The following COL23A1 variants were observed in gnomAD, a reference collection of about 807,000 sequenced individuals.
The protein encoded by COL23A1 is collagen type XXIII alpha 1 chain, also known as collagen alpha-1(XXIII) chain.
Under a neutral mutation model 99.3 loss-of-function variants are expected in COL23A1, and 97 were observed. That is an observed-to-expected ratio of 0.98 (90% CI 0.83 to 1.16). The LOEUF is 1.16. Ranked by LOEUF, COL23A1 falls within the 50% of genes most tolerant of loss-of-function variation. The pLI is 0.00. For synonymous variants in COL23A1, 320 were observed against 308.2 expected, an observed-to-expected ratio of 1.04 and a Z score of -0.40; for missense variants, 762 against 757.4, an observed-to-expected ratio of 1.01 and a Z score of -0.07.
chr5:178,246,199 G>A (rs1764684129), intron 24 of COL23A1, 55 bp downstream of exon 24: 11 of 1,534,676 alleles, frequency 7.2e-6, no homozygotes, highest in Non-Finnish European at 9.7e-6. Flanking sequence ...CGGGCTGAGC[G>A]CCACCATGAC....
At chr5:178,421,265 C>A (rs1308022991) in intron 2 of COL23A1, among the ~76,000 whole-genome samples, 1 of 152,126 alleles carries the variant, frequency 6.6e-6, no homozygotes, top group African/African-American at 2.4e-5. Context: ...AGGAGAAGAG[C>A]AACACGTAAC....
chr5:178,558,372 G>A (rs1314980219), intron 2 of COL23A1, among the ~76,000 whole-genome samples: 2 of 152,010 alleles, frequency 1.3e-5, no homozygotes, highest in Admixed American at 1.3e-4. Context: ...TGATTGATCC[G>A]GGAGCTCCAT....
chr5:178,303,147 G>A lies in COL23A1; in HGVS notation c.406+3728C>T, dbSNP rs112039913. 3.2e-3 allele frequency among the ~76,000 whole-genome samples: 490 copies of A among 152,288 alleles called. 2 individuals carry two copies. The highest frequency in any genetic ancestry group is 6.0e-3 in the Non-Finnish European group (406 of 68,028). ...TCTGAGTAGCTGGGACTACAGGTAT[G>A]CACCACCATGCCTGGCTAATTTTTG... On this transcript the variant is annotated intron_variant, in intron 3 of 28. Coordinates refer to ENST00000390654, the MANE Select transcript of COL23A1 (RefSeq NM_173465.4).
chr5:178,359,299 G>A (rs1295437478), intron 2 of COL23A1, among the ~76,000 whole-genome samples: 4 of 152,196 alleles, frequency 2.6e-5, no homozygotes, highest in Non-Finnish European at 4.4e-5. Context: ...CGAGGCAGGT[G>A]GATCACTTGA....
intron 2 of COL23A1, among the ~76,000 whole-genome samples, chr5:178,517,662 A>G (rs1200027744): frequency 6.7e-6 from 1 of 148,968 alleles, no homozygotes; most frequent in East Asian, 2.0e-4. Context: ...CCCTGGTTCA[A>G]GCGATCCTTC....
intron 20 of COL23A1, 103 bp from the exon 21 acceptor site, chr5:178,247,934 C>T: frequency 9.4e-7 from 1 of 1,064,072 alleles, no homozygotes; most frequent in Non-Finnish European, 1.4e-6. Context: ...TCCTTCCTGC[C>T]CCCCAGAGGG....
At position 178,468,428 on chromosome 5, in the gene COL23A1, A is replaced by G. The variant is rs1045256626; in HGVS notation, c.361+92254T>C. On this transcript the variant is annotated intron_variant, in intron 2 of 28. Transcript: ENST00000390654. This position sits in a 1 kb window ranked among gnomAD's most constrained non-coding sequence, Gnocchi z 4.2. ...CAGTGTGATGATGGTGAATGCAAGAATATCAACAACCACGGCTCCGTCTCC... is the reference window on the plus strand; with the variant it reads ...CAGTGTGATGATGGTGAATGCAAGAGTATCAACAACCACGGCTCCGTCTCC... 5.9e-5 allele frequency among the ~76,000 whole-genome samples: 9 copies of G among 152,170 alleles called. No homozygotes were observed. Among genetic ancestry groups the G allele is most frequent in the African/African-American group, 2.2e-4 (9 of 41,438 alleles).
chr5:178,359,145 T>C (rs915782756), intron 2 of COL23A1, among the ~76,000 whole-genome samples: 6 of 152,228 alleles, frequency 3.9e-5, no homozygotes, highest in Non-Finnish European at 7.3e-5. Context: ...TAAATATTCA[T>C]GCAACCCTGG....
intron 2 of COL23A1, among the ~76,000 whole-genome samples, chr5:178,500,424 C>CAAAA (rs770679841): frequency 7.6e-4 from 49 of 64,620 alleles, no homozygotes; most frequent in East Asian, 2.6e-3. Context: ...CCCATCTCTA[C>CAAAA]AAAAAAAAAA....
intron 12 of COL23A1, among the ~76,000 whole-genome samples, chr5:178,258,394 GTTTTTTTTTT>G (rs59750946): frequency 9.2e-6 from 1 of 109,058 alleles, no homozygotes; most frequent in Non-Finnish European, 1.9e-5. Flanking sequence ...GATGGGAGAG[GTTTTTTTTTT>G]TTTTTTTTTG....
At chr5:178,333,258 C>T (rs1232513133) in intron 2 of COL23A1, among the ~76,000 whole-genome samples, 1 of 152,144 alleles carries the variant, frequency 6.6e-6, no homozygotes, top group Non-Finnish European at 1.5e-5. Context: ...GCCCGGCCGA[C>T]TCATGTTTTA....
intron 2 of COL23A1, among the ~76,000 whole-genome samples, chr5:178,555,695 G>A (rs547194340): frequency 1.6e-4 from 25 of 152,328 alleles, no homozygotes; most frequent in Non-Finnish European, 2.8e-4. Flanking sequence ...TCCAGGACAC[G>A]TGGAGTGGGA....
chr5:178,585,452 C>T (rs1218019760), intron 1 of COL23A1, among the ~76,000 whole-genome samples: 10 of 145,522 alleles, frequency 6.9e-5, no homozygotes, highest in African/African-American at 2.0e-4. Context: ...TAACACTCCA[C>T]GTCCCTGGTT....
In COL23A1 at chr5:178,560,702, G is replaced by A; in HGVS notation, c.341C>T (p.Ser114Phe). The A allele has an allele frequency of 6.2e-7, 1 of 1,612,954 alleles. No homozygotes were observed. Among genetic ancestry groups the A allele is most frequent in the Non-Finnish European group, 8.5e-7 (1 of 1,179,738 alleles). Residue 114 changes from serine (S) to phenylalanine (F), a missense_variant, in exon 2 of 29, where the codon TCC becomes TTC. Transcript: ENST00000390654. ...AKIRTAREAP[S>F]ECVCPPGPPG... ...CTTACCTGGGGGGCAGACACATTCGGATGGAGCTTCCCGAGCAGTCCGGAT... is the reference window on the plus strand; with the variant it reads ...CTTACCTGGGGGGCAGACACATTCGAATGGAGCTTCCCGAGCAGTCCGGAT...
rs938213755 is a variant in COL23A1, at chr5:178,358,368, A to G, written c.362-51449T>C. Reference sequence around the variant, plus strand: ...GTGTATTGTGTGTATGTGTATGTGTACGTGTGTATGTCTAATGTGTGTATG... The same window carrying G: ...GTGTATTGTGTGTATGTGTATGTGTGCGTGTGTATGTCTAATGTGTGTATG... On this transcript the variant is annotated intron_variant, in intron 2 of 28. Coordinates refer to ENST00000390654, the MANE Select transcript of COL23A1 (RefSeq NM_173465.4). 5.7e-5 allele frequency among the ~76,000 whole-genome samples: 8 copies of G among 140,394 alleles called. 1 individual carries two copies. The highest frequency in any genetic ancestry group is 1.4e-4 in the Admixed American group (2 of 14,122). 92.1% of individuals were successfully genotyped at this position (140,394 alleles called of 152,430 possible).
Position 178,428,947 on chromosome 5 carries a change from TGAG to T in COL23A1, c.362-122031_362-122029del, listed in dbSNP as rs2127813409. Among the ~76,000 whole-genome samples the T allele has an allele frequency of 6.9e-6, 1 of 145,902 alleles. No individual in the cohort carries two copies. Among genetic ancestry groups the T allele is most frequent in the East Asian group, 3.0e-4 (1 of 3,348 alleles). ...CGCACACAGACAGGCAGGCCCTCCG[TGAG>T]TGTCCTGAGACCCTACCACACCCCA... On this transcript the variant is annotated intron_variant, in intron 2 of 28. Transcript: ENST00000390654. The surrounding 1 kb of genome is among the most constrained non-coding windows in gnomAD (Gnocchi z 5.0).
intron 2 of COL23A1, among the ~76,000 whole-genome samples, chr5:178,448,441 C>T (rs1464563107): frequency 1.3e-5 from 2 of 151,706 alleles, no homozygotes; most frequent in Non-Finnish European, 2.9e-5. Context: ...GTGCTAGTCG[C>T]AGTCCGTTTT....
rs761467504 is a variant in COL23A1, at chr5:178,250,082, G to A, written c.1038C>T (p.Ala346=). ...AGACCTTCTCTCCATCGATTCCTGG[G>A]GCACCGGGCAATCCAAGCTCGCCCT... ...GAKGELGLPG[A]PGIDGEKGPK... is the part of the protein sequence containing the mutation. The change falls in exon 18 of 29, where the codon GCC becomes GCT. Residue 346 remains alanine (A), a synonymous_variant. Coordinates refer to ENST00000390654, the MANE Select transcript of COL23A1 (RefSeq NM_173465.4). The A allele has an allele frequency of 6.2e-7, 1 of 1,614,076 alleles. No homozygotes were observed. Among genetic ancestry groups the A allele is most frequent in the Non-Finnish European group, 8.5e-7 (1 of 1,180,034 alleles).
chr5:178,560,039 T>C (rs973174822), intron 2 of COL23A1, among the ~76,000 whole-genome samples: 1 of 152,222 alleles, frequency 6.6e-6, no homozygotes, highest in Admixed American at 6.5e-5. Flanking sequence ...GACCACACAC[T>C]GGGCCATGGC....
Sources: allele counts gnomAD v4.1 joint callset (sites outside exome capture counted in the v4.1 genomes callset), GRCh38; gene constraint gnomAD v4.1.1; non-coding constraint Gnocchi (gnomAD v3.1); transcripts MANE v1.5; gene names NCBI Gene and HGNC (gene_info 2026-07-23, HGNC 2026-07-21).